Variants in ROCK1 observed in about 807,000 individuals in gnomAD.
ROCK1 encodes rho-associated protein kinase 1.
Under a neutral mutation model 196.8 loss-of-function variants are expected in ROCK1, and 36 were observed. The observed-to-expected ratio is 0.18, with a 90% CI of 0.14 to 0.24. The LOEUF (loss-of-function observed/expected upper bound fraction) is 0.24, where lower values mean the gene tolerates loss of function less well. Among genes scored for constraint, ROCK1 ranks in the 10% least tolerant of loss-of-function variants. The pLI is 1.00. For synonymous variants in ROCK1, 443 were observed against 515.9 expected (o/e 0.86, Z 1.91); for missense variants, 920 against 1,562.0 (o/e 0.59, Z 6.93).
intron 22 of ROCK1, among the ~76,000 whole-genome samples, chr18:20,975,470 T>G (rs1278493039): frequency 6.6e-6 from 1 of 152,226 alleles, no homozygotes; most frequent in Non-Finnish European, 1.5e-5. Context: ...CAATCTACTT[T>G]AATACCTATT....
chr18:21,078,984 C>G (rs932853203), intron 1 of ROCK1, among the ~76,000 whole-genome samples: 2 of 152,120 alleles, frequency 1.3e-5, no homozygotes, highest in Non-Finnish European at 2.9e-5. Context: ...TGTCCCTCAA[C>G]TAAATTGGGG....
intron 1 of ROCK1, among the ~76,000 whole-genome samples, chr18:21,073,714 G>A (rs1375007328): frequency 6.6e-6 from 1 of 152,122 alleles, no homozygotes; most frequent in African/African-American, 2.4e-5. Context: ...GAAAACTATG[G>A]CAGCAAAACT....
chr18:21,098,654 G>GC (rs1436440861), intron 1 of ROCK1, among the ~76,000 whole-genome samples: 1 of 148,392 alleles, frequency 6.7e-6, no homozygotes, highest in African/African-American at 2.5e-5. Context: ...AAAAAAATCT[G>GC]CATTTTACCA....
intron 1 of ROCK1, among the ~76,000 whole-genome samples, chr18:21,095,407 C>T (rs2036605068): frequency 1.3e-5 from 2 of 152,040 alleles, no homozygotes; most frequent in Non-Finnish European, 2.9e-5. Context: ...ATCTGCACTC[C>T]CATGTTTATC....
intron 9 of ROCK1, among the ~76,000 whole-genome samples, chr18:21,036,755 C>A (rs1283711279): frequency 6.6e-6 from 1 of 152,030 alleles, no homozygotes; most frequent in Non-Finnish European, 1.5e-5. Context: ...GAACACTGTA[C>A]AATAGAGCCA....
intron 1 of ROCK1, among the ~76,000 whole-genome samples, chr18:21,077,066 C>CG (rs2036439137): frequency 6.6e-6 from 1 of 150,550 alleles, no homozygotes; most frequent in African/African-American, 2.4e-5. Context: ...CTCCGCTTCC[C>CG]GGGTTCACGC....
chr18:21,086,715 C>T (rs1188743798), intron 1 of ROCK1, among the ~76,000 whole-genome samples: 1 of 150,574 alleles, frequency 6.6e-6, no homozygotes, highest in African/African-American at 2.4e-5. Flanking sequence ...CCCAAAGAAA[C>T]CTAAGCCAAT....
At chr18:21,037,955 A>C (rs1485245289) in intron 9 of ROCK1, among the ~76,000 whole-genome samples, 2 of 152,148 alleles carry the variant, frequency 1.3e-5, no homozygotes. Flanking sequence ...TATCCTTGTT[A>C]CTTTTGCGGT....
intron 12 of ROCK1, among the ~76,000 whole-genome samples, chr18:21,018,779 C>T (rs1180696857): frequency 6.6e-6 from 1 of 152,166 alleles, no homozygotes; most frequent in Non-Finnish European, 1.5e-5. Context: ...CCCCCACCTG[C>T]TCTGTCACAA....
At chr18:21,008,996 G>T (rs2035792182) in intron 13 of ROCK1, among the ~76,000 whole-genome samples, 1 of 152,024 alleles carries the variant, frequency 6.6e-6, no homozygotes, top group East Asian at 1.9e-4. Context: ...CGAAGATACA[G>T]AACTGGTCAT....
intron 1 of ROCK1, among the ~76,000 whole-genome samples, chr18:21,095,553 AC>A (rs1420599587): frequency 6.6e-6 from 1 of 152,346 alleles, no homozygotes; most frequent in East Asian, 1.9e-4. Flanking sequence ...CATTTGCACA[AC>A]ATAGATAGAA....
intron 5 of ROCK1, among the ~76,000 whole-genome samples, chr18:21,044,681 T>A (rs1175166874): frequency 6.6e-6 from 1 of 152,154 alleles, no homozygotes; most frequent in Non-Finnish European, 1.5e-5. Flanking sequence ...AGTTACATAT[T>A]TAAAAAATTA....
At chr18:21,047,222 C>T (rs993789536) in intron 4 of ROCK1, among the ~76,000 whole-genome samples, 1 of 152,120 alleles carries the variant, frequency 6.6e-6, no homozygotes, top group Non-Finnish European at 1.5e-5. Flanking sequence ...TTTTCACTAA[C>T]AGACACTGAA....
At chr18:20,971,343 CAT>C (rs1491580964) in intron 22 of ROCK1, among the ~76,000 whole-genome samples, 2,282 of 145,658 alleles carry the variant, frequency 0.016, 73 homozygotes, top group African/African-American at 0.057. Flanking sequence ...CACACACACA[CAT>C]ACACACAGAA....
chr18:21,055,278 G>A (rs1228011877), intron 2 of ROCK1, among the ~76,000 whole-genome samples: 2 of 151,932 alleles, frequency 1.3e-5, no homozygotes, highest in Non-Finnish European at 2.9e-5. Flanking sequence ...CATCAAGCTG[G>A]CCCTTAGTTC....
At chr18:21,041,035 C>T (rs1422232367) in intron 8 of ROCK1, among the ~76,000 whole-genome samples, 3 of 151,828 alleles carry the variant, frequency 2.0e-5, no homozygotes, top group Admixed American at 2.0e-4. Context: ...GCAGGAGAAT[C>T]ACTTGAATCC....
intron 32 of ROCK1, among the ~76,000 whole-genome samples, chr18:20,951,637 G>A (rs967272707): frequency 6.6e-6 from 1 of 152,124 alleles, no homozygotes. Flanking sequence ...CCTATGCTCA[G>A]GAGAAGGCTG....
intron 16 of ROCK1, among the ~76,000 whole-genome samples, chr18:21,003,592 T>G (rs1598524314): frequency 6.6e-6 from 1 of 152,176 alleles, no homozygotes; most frequent in African/African-American, 2.4e-5. Context: ...GTGCCTGATA[T>G]GAGCTTCAAA....
chr18:21,082,254 G>A (rs901484599), intron 1 of ROCK1, among the ~76,000 whole-genome samples: 23 of 152,110 alleles, frequency 1.5e-4, no homozygotes, highest in Admixed American at 1.2e-3. Flanking sequence ...TCTACCAAAC[G>A]TTTAAAGAAG....
Sources: gnomAD v4.1 joint callset for allele counts (sites outside exome capture counted in the v4.1 genomes callset) on GRCh38, gnomAD v4.1.1 for gene constraint, MANE v1.5 for transcripts, NCBI Gene and HGNC (gene_info 2026-07-23, HGNC 2026-07-21) for gene names.